The following COLEC10 variants were observed in gnomAD, a reference collection of about 807,000 sequenced individuals.
The protein encoded by COLEC10 is collectin-10.
COLEC10 carries 22 observed loss-of-function variants against 28.4 expected under a neutral mutation model. The observed-to-expected ratio is 0.78, with a 90% CI of 0.55 to 1.11. The LOEUF is 1.11. Among genes scored for constraint, COLEC10 ranks in the 50% least tolerant of loss-of-function variants. COLEC10 has a pLI of 0.00. For missense variants in COLEC10, 361 were observed against 344.1 expected, an observed-to-expected ratio of 1.05 and a Z score of -0.39; for synonymous variants, 125 against 116.1, an observed-to-expected ratio of 1.08 and a Z score of -0.49.
At chr8:119,047,187 C>T (rs1182318876) in intron 2 of COLEC10, among the ~76,000 whole-genome samples, 1 of 152,150 alleles carries the variant, frequency 6.6e-6, no homozygotes, top group East Asian at 1.9e-4. Context: ...GAGCAGCCAC[C>T]CTCAAATAAA....
chr8:119,079,908 C>T (rs1306406014), intron 1 of COLEC10, among the ~76,000 whole-genome samples: 3 of 151,874 alleles, frequency 2.0e-5, no homozygotes, highest in Non-Finnish European at 4.4e-5. Flanking sequence ...TAGTAAGCAC[C>T]CCATAAATGT....
chr8:119,001,236 A>G (rs1346475248), intron 1 of COLEC10, among the ~76,000 whole-genome samples: 2 of 152,172 alleles, frequency 1.3e-5, no homozygotes, highest in Admixed American at 1.3e-4. Flanking sequence ...TTGAAAAGAG[A>G]AAGAAAATAT....
chr8:119,081,472 G>A (rs79642773), intron 1 of COLEC10, among the ~76,000 whole-genome samples: 5,312 of 151,824 alleles, frequency 0.035, 137 homozygotes, highest in South Asian at 0.11. Flanking sequence ...TAAACTTTGC[G>A]TATTTATATC....
At chr8:119,105,712 A>G in intron 5 of COLEC10, 88 bp from the exon 6 acceptor site, 1 of 1,184,720 alleles carries the variant, frequency 8.4e-7, no homozygotes, top group Non-Finnish European at 1.2e-6. Context: ...TATTGAATAA[A>G]TAAATGTAAA....
chr8:119,061,084 G>A (rs61605021), intron 2 of COLEC10, among the ~76,000 whole-genome samples: 7,225 of 151,972 alleles, frequency 0.048, 268 homozygotes, highest in East Asian at 0.18. Context: ...ATAAACATTC[G>A]TTGAATGAAA....
intron 3 of COLEC10, among the ~76,000 whole-genome samples, chr8:119,096,280 A>C (rs180704745): frequency 1.8e-4 from 28 of 152,326 alleles, no homozygotes; most frequent in Non-Finnish European, 3.8e-4. Flanking sequence ...AAAACTAACA[A>C]ATTGAAGTCT....
Position 119,067,310 on chromosome 8 carries a change from G to T in COLEC10, c.29G>T (p.Arg10Ile). 1 of 1,613,990 alleles carries T rather than the reference G, an allele frequency of 6.2e-7. No individual in the cohort carries two copies. Among genetic ancestry groups the T allele is most frequent in the South Asian group, 1.1e-5 (1 of 91,072 alleles). MNGFASLLR[R>I]NQFILLVLFL... ...AATGGCTTTGCATCCTTGCTTCGAA[G>T]AAACCAATTTATCCTCCTGGTACTA... is the stretch of plus-strand genomic sequence containing the variant. The change falls in exon 1 of 6, where the codon AGA (arginine) becomes ATA (isoleucine). Residue 10 changes from arginine (R) to isoleucine (I), a missense_variant. By Grantham distance (97) the Arg-to-Ile change is moderately conservative (BLOSUM62 -3). This residue lies in a region of COLEC10 where 335 missense variants were observed against 308.5 expected (regional missense o/e 1.09). Transcript: ENST00000332843.
chr8:119,102,240 C>CCT, intron 3 of COLEC10, 108 bp from the exon 4 acceptor site: 1 of 242,632 alleles, frequency 4.1e-6, no homozygotes, highest in Admixed American at 6.8e-5. Context: ...CCCTCCCTCC[C>CCT]TCCTTCCTTC....
chr8:118,986,894 T>C, the COLEC10 span, among the ~76,000 whole-genome samples: 4 of 152,166 alleles, frequency 2.6e-5, no homozygotes, highest in Non-Finnish European at 5.9e-5. Context: ...GTGGAAGGAA[T>C]GGGGACAGAT....
intron 1 of COLEC10, among the ~76,000 whole-genome samples, chr8:119,075,688 AG>A (rs1451110962): frequency 6.6e-6 from 1 of 152,088 alleles, no homozygotes; most frequent in Non-Finnish European, 1.5e-5. Flanking sequence ...TCTTATTTTA[AG>A]GAGAAGGAAA....
intron 3 of COLEC10, among the ~76,000 whole-genome samples, chr8:119,091,818 G>GA (rs1815608987): frequency 6.6e-6 from 1 of 152,100 alleles, no homozygotes; most frequent in African/African-American, 2.4e-5. Context: ...GGCAGAAACA[G>GA]AATCAAGCAT....
At chr8:118,965,986 GA>G in the COLEC10 span, among the ~76,000 whole-genome samples, 1 of 152,062 alleles carries the variant, frequency 6.6e-6, no homozygotes, top group Non-Finnish European at 1.5e-5. Flanking sequence ...TTAACATCAA[GA>G]GAGGTAGTGG....
the COLEC10 span, among the ~76,000 whole-genome samples, chr8:118,971,795 T>C: frequency 1.3e-5 from 2 of 152,138 alleles, no homozygotes; most frequent in African/African-American, 4.8e-5. Context: ...GAGAGTAGTG[T>C]AGTGGTGTCA....
chr8:118,959,010 G>A, the COLEC10 span, among the ~76,000 whole-genome samples: 1 of 152,196 alleles, frequency 6.6e-6, no homozygotes, highest in African/African-American at 2.4e-5. Flanking sequence ...GTTGGAGGTA[G>A]CAGCAAACAG....
intron 4 of COLEC10, 76 bp from the exon 5 acceptor site, chr8:119,103,724 G>A (rs1198227422): frequency 3.5e-6 from 3 of 853,084 alleles, no homozygotes; most frequent in Admixed American, 1.8e-5. Context: ...AGTGAATATT[G>A]GAAAGAGAGC....
At chr8:119,050,621 T>C (rs1025924738) in intron 2 of COLEC10, among the ~76,000 whole-genome samples, 5 of 152,204 alleles carry the variant, frequency 3.3e-5, no homozygotes, top group African/African-American at 7.2e-5. Flanking sequence ...CAACACAAAA[T>C]TGAATGAATA....
chr8:118,985,204 C>G, the COLEC10 span, among the ~76,000 whole-genome samples: 1 of 152,006 alleles, frequency 6.6e-6, no homozygotes. Flanking sequence ...TTGTTTGAAG[C>G]CACCAAGTTC....
intron 1 of COLEC10, among the ~76,000 whole-genome samples, chr8:119,070,575 C>CG (rs1413924854): frequency 1.7e-5 from 1 of 57,542 alleles, no homozygotes; most frequent in Non-Finnish European, 3.4e-5. Context: ...TCTCCCCCCA[C>CG]CCCTTCTCTC....
At chr8:119,013,393 T>C (rs1192132831) in intron 2 of COLEC10, among the ~76,000 whole-genome samples, 2 of 150,706 alleles carry the variant, frequency 1.3e-5, no homozygotes, top group African/African-American at 5.0e-5. Flanking sequence ...GAAGTTTATC[T>C]TGGTGAATGT....
Sources: allele counts gnomAD v4.1 joint callset (sites outside exome capture counted in the v4.1 genomes callset), GRCh38; gene constraint gnomAD v4.1.1; regional missense constraint gnomAD v4.1.1; transcripts MANE v1.5; gene names NCBI Gene and HGNC (gene_info 2026-07-23, HGNC 2026-07-21).